The following SEMA4D variants were observed in gnomAD, a reference collection of about 807,000 sequenced individuals.
SEMA4D encodes the protein semaphorin-4D.
Under a neutral mutation model 74.8 loss-of-function variants are expected in SEMA4D, and 22 were observed. The observed-to-expected ratio is 0.29, with a 90% CI of 0.21 to 0.42. The LOEUF is 0.42. Ranked by LOEUF, SEMA4D falls within the 10% of genes least tolerant of loss-of-function variation. SEMA4D has a pLI of 1.00. For synonymous variants in SEMA4D, 445 were observed against 463.7 expected, an observed-to-expected ratio of 0.96 and a Z score of 0.52; for missense variants, 937 against 1,118.4, an observed-to-expected ratio of 0.84 and a Z score of 2.31.
downstream of SEMA4D, chr9:89,377,048 G>C: frequency 6.5e-7 from 1 of 1,533,856 alleles, no homozygotes. Context: ...CTTAGGAGAC[G>C]AGGCTGTGAG....
At chr9:89,375,116 G>A (rs1483563181), downstream of SEMA4D, among the ~76,000 whole-genome samples, 1 of 152,146 alleles carries the variant, frequency 6.6e-6, no homozygotes, top group Non-Finnish European at 1.5e-5. Context: ...GCATCTGCCC[G>A]CAAAGGAGCC....
intron 2 of SEMA4D, among the ~76,000 whole-genome samples, chr9:89,451,974 T>A (rs1395253501): frequency 6.6e-6 from 1 of 152,116 alleles, no homozygotes; most frequent in African/African-American, 2.4e-5. Flanking sequence ...GGTGTCCAGC[T>A]AGGATACTAA....
chr9:89,387,159 CATTTTT>C (rs969780653), intron 12 of SEMA4D: 8 of 523,114 alleles, frequency 1.5e-5, no homozygotes, highest in African/African-American at 1.2e-4. Flanking sequence ...CCAGGACTTG[CATTTTT>C]ATTTTTAACA....
At chr9:89,362,482 G>T in intron 18 of SEMA4D, 3 of 1,613,904 alleles carry the variant, frequency 1.9e-6, no homozygotes, top group Non-Finnish European at 2.5e-6. Flanking sequence ...GGCCTTTCCT[G>T]CTCTGCAGCC....
chr9:89,421,235 GC>G (rs1407510237), intron 2 of SEMA4D, among the ~76,000 whole-genome samples: 2 of 152,222 alleles, frequency 1.3e-5, no homozygotes, highest in African/African-American at 2.4e-5. Flanking sequence ...TGGCCCAGAA[GC>G]AGGTAAGGAA....
chr9:89,487,869 G>A (rs932769536), intron 1 of SEMA4D, among the ~76,000 whole-genome samples: 3 of 151,992 alleles, frequency 2.0e-5, no homozygotes, highest in African/African-American at 4.8e-5. Context: ...GAAAATAGAG[G>A]GAGATTCCAT....
chr9:89,375,222 G>C (rs7019349), downstream of SEMA4D, among the ~76,000 whole-genome samples: 2 of 152,150 alleles, frequency 1.3e-5, no homozygotes, highest in Non-Finnish European at 2.9e-5. Context: ...CCAGTGCTGC[G>C]ACAGGACACA....
chr9:89,459,131 G>C (rs1170562687), intron 1 of SEMA4D, among the ~76,000 whole-genome samples: 1 of 152,152 alleles, frequency 6.6e-6, no homozygotes, highest in African/African-American at 2.4e-5. Flanking sequence ...CAGCCTCCTA[G>C]AGACCCCATG....
At chr9:89,470,535 CCA>C (rs1354310576) in intron 1 of SEMA4D, among the ~76,000 whole-genome samples, 3 of 152,132 alleles carry the variant, frequency 2.0e-5, no homozygotes, top group Admixed American at 6.5e-5. Flanking sequence ...TATGGTACCG[CCA>C]CACTAGAAAA....
chr9:89,498,092 G>A lies in SEMA4D; in HGVS notation c.-483C>T, dbSNP rs948015056. The A allele has an allele frequency of 6.7e-6, 1 of 149,550 alleles. No individual in the cohort carries two copies. The highest frequency in any genetic ancestry group is 1.5e-5 in the Non-Finnish European group (1 of 66,620). The allele number at this position is 149,550 out of a possible 1,614,324, so 9.3% of individuals were successfully genotyped here. On this transcript the variant is annotated 5_prime_UTR_variant, in exon 1 of 16. Coordinates refer to ENST00000422704, the MANE Select transcript of SEMA4D (RefSeq NM_001371194.2). ...ATGCTGCGGCGCGCGAGAGCGCTGA[G>A]GCCGGCGCGGGGACGGAGTGCGCGG...
intron 1 of SEMA4D, among the ~76,000 whole-genome samples, chr9:89,457,041 C>T (rs1856101101): frequency 6.6e-6 from 1 of 152,214 alleles, no homozygotes; most frequent in South Asian, 2.1e-4. Context: ...CGCAAAGTCC[C>T]CTCCCACAAG....
chr9:89,368,680 C>G (rs1011182634), intron 16 of SEMA4D: 2 of 152,402 alleles, frequency 1.3e-5, no homozygotes, highest in Non-Finnish European at 2.9e-5. Context: ...ATCTCCCTGA[C>G]AGTCACCAGG....
chr9:89,478,176 C>T (rs1194940000), intron 1 of SEMA4D, among the ~76,000 whole-genome samples: 2 of 152,194 alleles, frequency 1.3e-5, no homozygotes, highest in East Asian at 3.9e-4. Context: ...TGTGCTGTAA[C>T]AGGTTGAAGA....
chr9:89,397,924 A>ATTC (rs1453166048), intron 5 of SEMA4D, among the ~76,000 whole-genome samples: 1 of 152,196 alleles, frequency 6.6e-6, no homozygotes, highest in Non-Finnish European at 1.5e-5. Flanking sequence ...GGGAATGAGT[A>ATTC]TTCGGCCCAG....
intron 2 of SEMA4D, among the ~76,000 whole-genome samples, chr9:89,422,608 C>G (rs1847213003): frequency 6.6e-6 from 1 of 152,254 alleles, no homozygotes; most frequent in African/African-American, 2.4e-5. Context: ...GTGGTGCCCT[C>G]AGCAGCCTGT....
intron 2 of SEMA4D, among the ~76,000 whole-genome samples, chr9:89,452,173 G>GTTTT (rs1362131550): frequency 1.1e-3 from 67 of 62,322 alleles, no homozygotes; most frequent in African/African-American, 4.0e-3. Context: ...TCCTGTCTTG[G>GTTTT]TTTTTTTTGT....
At chr9:89,377,149 C>G (rs1835918517), downstream of SEMA4D, 2 of 1,441,802 alleles carry the variant, frequency 1.4e-6, no homozygotes, top group Non-Finnish European at 1.8e-6. Context: ...AGGAAACGGA[C>G]AGAAAAGAGC....
intron 5 of SEMA4D, among the ~76,000 whole-genome samples, chr9:89,397,930 C>T (rs1841354821): frequency 6.6e-6 from 1 of 152,108 alleles, no homozygotes; most frequent in Non-Finnish European, 1.5e-5. Flanking sequence ...GAGTATTCGG[C>T]CCAGGGCTCC....
At chr9:89,407,575 C>T (rs1331462858) in intron 2 of SEMA4D, among the ~76,000 whole-genome samples, 2 of 152,238 alleles carry the variant, frequency 1.3e-5, no homozygotes, top group East Asian at 3.8e-4. Flanking sequence ...CACAAAGTAG[C>T]AGTGGCCAAA....
Sources: gnomAD v4.1 joint callset for allele counts (sites outside exome capture counted in the v4.1 genomes callset) on GRCh38, gnomAD v4.1.1 for gene constraint, MANE v1.5 for transcripts, NCBI Gene and HGNC (gene_info 2026-07-23, HGNC 2026-07-21) for gene names.